The following ELP4 variants were observed in gnomAD, a reference collection of about 807,000 sequenced individuals.
The protein encoded by ELP4 is elongator acetyltransferase complex subunit 4.
Under a neutral mutation model 48.9 loss-of-function variants are expected in ELP4, and 51 were observed. The observed-to-expected ratio is 1.04, with a 90% CI of 0.83 to 1.32. ELP4 has a LOEUF of 1.32. ELP4 is among the 40% of genes most tolerant of loss of function. The pLI, the probability that ELP4 is intolerant of heterozygous loss-of-function variation, is 0.00. For missense variants in ELP4, 519 were observed against 514.6 expected (o/e 1.01, Z -0.08); for synonymous variants, 210 against 189.2 (o/e 1.11, Z -0.90).
chr11:31,628,076 G>A (rs1944784421), intron 6 of ELP4, among the ~76,000 whole-genome samples: 1 of 151,980 alleles, frequency 6.6e-6, no homozygotes, highest in Non-Finnish European at 1.5e-5. Context: ...ATACTTATGT[G>A]TGTATGATAA....
chr11:31,685,455 C>T (rs559057567), intron 9 of ELP4, among the ~76,000 whole-genome samples: 2 of 151,844 alleles, frequency 1.3e-5, no homozygotes, highest in Non-Finnish European at 2.9e-5. Context: ...TCTATATTTC[C>T]AATTACATAG....
chr11:31,518,719 AC>A (rs1011579912), intron 1 of ELP4, among the ~76,000 whole-genome samples: 5 of 151,142 alleles, frequency 3.3e-5, no homozygotes, highest in Non-Finnish European at 5.9e-5. Context: ...ACATAGTGAA[AC>A]CCCGTCTCTA....
At chr11:31,652,256 T>C (rs558900512) in intron 9 of ELP4, 1 of 151,832 alleles carries the variant, frequency 6.6e-6, no homozygotes, top group East Asian at 1.9e-4. Flanking sequence ...ATACACATTC[T>C]AAATAACTTA....
chr11:31,734,782 T>C (rs762368685), intron 9 of ELP4, among the ~76,000 whole-genome samples: 10 of 152,042 alleles, frequency 6.6e-5, no homozygotes, highest in Non-Finnish European at 1.5e-4. Flanking sequence ...AAAATGTTCA[T>C]AGTACCCAGA....
chr11:31,518,574 G>A (rs908343286), intron 1 of ELP4, among the ~76,000 whole-genome samples: 1 of 145,320 alleles, frequency 6.9e-6, no homozygotes, highest in African/African-American at 2.5e-5. Flanking sequence ...CTCAACTCAC[G>A]GCAATCTTGC....
chr11:31,744,894 C>A (rs897093322), intron 9 of ELP4, among the ~76,000 whole-genome samples: 9 of 152,016 alleles, frequency 5.9e-5, no homozygotes, highest in African/African-American at 2.2e-4. Context: ...GGCCAGGGCA[C>A]TCAGGCAGGG....
At chr11:31,594,673 A>G in intron 3 of ELP4, 97 bp from the exon 4 acceptor site, 2 of 742,598 alleles carry the variant, frequency 2.7e-6, no homozygotes, top group Non-Finnish European at 4.1e-6. Flanking sequence ...TGAATTTTCA[A>G]TACATTGGAA....
chr11:31,569,814 T>G (rs1257188968), intron 3 of ELP4, among the ~76,000 whole-genome samples: 1 of 152,166 alleles, frequency 6.6e-6, no homozygotes, highest in East Asian at 1.9e-4. Flanking sequence ...AGTATCACAA[T>G]GAGATATCAT....
intron 5 of ELP4, among the ~76,000 whole-genome samples, chr11:31,622,987 T>C (rs1426635113): frequency 6.6e-6 from 1 of 151,510 alleles, no homozygotes; most frequent in Non-Finnish European, 1.5e-5. Context: ...TTTGTATAGC[T>C]AATAGTTTTA....
intron 9 of ELP4, among the ~76,000 whole-genome samples, chr11:31,736,335 T>G (rs1369876536): frequency 2.6e-5 from 4 of 152,122 alleles, no homozygotes. Flanking sequence ...TCAAGCTGGA[T>G]TAAAGACTTA....
chr11:31,545,895 G>A (rs1161493327), intron 3 of ELP4, among the ~76,000 whole-genome samples: 2 of 152,048 alleles, frequency 1.3e-5, no homozygotes, highest in Admixed American at 1.3e-4. Context: ...AGCTTCATAA[G>A]TGAAGGAGAA....
intron 9 of ELP4, chr11:31,663,746 G>T (rs1402779499): frequency 6.6e-6 from 1 of 151,878 alleles, no homozygotes; most frequent in Admixed American, 6.6e-5. Flanking sequence ...AGTTTAAAGG[G>T]TGAATATATT....
intron 3 of ELP4, among the ~76,000 whole-genome samples, chr11:31,545,481 A>G (rs1956686559): frequency 6.6e-6 from 1 of 152,090 alleles, no homozygotes; most frequent in African/African-American, 2.4e-5. Flanking sequence ...ATATGGGACT[A>G]TGTGAAAAGA....
intron 9 of ELP4, among the ~76,000 whole-genome samples, chr11:31,657,225 G>C (rs1945457157): frequency 6.6e-6 from 1 of 151,998 alleles, no homozygotes; most frequent in South Asian, 2.1e-4. Flanking sequence ...CACAGCAAAT[G>C]TTCAGAATCC....
chr11:31,565,948 A>G (rs548835997), intron 3 of ELP4, among the ~76,000 whole-genome samples: 2 of 152,322 alleles, frequency 1.3e-5, no homozygotes, highest in South Asian at 2.1e-4. Flanking sequence ...CATTGGATCT[A>G]TAAATTACCT....
intron 9 of ELP4, among the ~76,000 whole-genome samples, chr11:31,736,584 A>G (rs890081700): frequency 1.3e-5 from 2 of 152,212 alleles, no homozygotes; most frequent in African/African-American, 4.8e-5. Flanking sequence ...TCATCTGACA[A>G]AGGGCTAATA....
In ELP4 at chr11:31,515,283, T is replaced by C. The variant is rs1469675291; in HGVS notation, c.224-4773T>C. Reference sequence around the variant, plus strand: ...AGAAGTTTGAGAAGATATTTGGTGATAAAAATGATTTTAATATGTCCCCAT... The same window carrying C: ...AGAAGTTTGAGAAGATATTTGGTGACAAAAATGATTTTAATATGTCCCCAT... On this transcript the variant is annotated intron_variant, in intron 1 of 9. Transcript: ENST00000640961. 2.0e-5 allele frequency among the ~76,000 whole-genome samples: 3 copies of C among 152,132 alleles called. No homozygotes were observed. The East Asian group carries it at 5.8e-4, about 29-fold the overall frequency.
chr11:31,764,524 C>T (rs1374376611), intron 9 of ELP4, among the ~76,000 whole-genome samples: 1 of 152,166 alleles, frequency 6.6e-6, no homozygotes. Context: ...ACCCAGAGTC[C>T]GCCTTTTATC....
intron 1 of ELP4, among the ~76,000 whole-genome samples, chr11:31,518,821 G>A (rs984021500): frequency 1.7e-4 from 26 of 150,580 alleles, no homozygotes; most frequent in Non-Finnish European, 3.0e-4. Context: ...ACTTGAACCC[G>A]GGAGGCAGAG....
Sources: allele counts gnomAD v4.1 joint callset (sites outside exome capture counted in the v4.1 genomes callset), GRCh38; gene constraint gnomAD v4.1.1; transcripts MANE v1.5; gene names NCBI Gene and HGNC (gene_info 2026-07-23, HGNC 2026-07-21).